Variants in VWF observed in about 807,000 individuals in gnomAD.
VWF encodes the protein von Willebrand factor, also known as Factor VIII related antigen.
VWF carries 176 observed loss-of-function variants against 308.6 expected under a neutral mutation model. The ratio of observed to expected loss-of-function variants is 0.57; its 90% CI spans 0.50 to 0.65. The LOEUF (loss-of-function observed/expected upper bound fraction) is 0.65. VWF is among the 30% of genes least tolerant of loss of function. VWF has a pLI of 0.00. For missense variants in VWF, 3,146 were observed against 3,648.2 expected (o/e 0.86, Z 3.55); for synonymous variants, 1,385 against 1,443.4 (o/e 0.96, Z 0.92).
intron 10 of VWF, among the ~76,000 whole-genome samples, chr12:6,068,595 G>A (rs768735739): frequency 5.9e-5 from 9 of 151,764 alleles, no homozygotes; most frequent in Admixed American, 2.6e-4. Context: ...TCAGCTTCCC[G>A]AGTAGCTGAG....
In VWF at chr12:6,034,835, A is replaced by G. The variant is rs775950558; in HGVS notation, c.2547-9T>C. On this transcript the variant is annotated splice_polypyrimidine_tract_variant and intron_variant, in intron 19 of 51. Transcript: ENST00000261405. Reference sequence around the variant, plus strand: ...TCCGGTCCTGACAGACACTAGGAGCAGTCATGGCAGAGATGACAAGTTGGG... The same window carrying G: ...TCCGGTCCTGACAGACACTAGGAGCGGTCATGGCAGAGATGACAAGTTGGG... 2.5e-6 allele frequency: 4 copies of G among 1,613,782 alleles called. No homozygotes were observed. Among genetic ancestry groups the G allele is most frequent in the South Asian group, 2.2e-5 (2 of 91,076 alleles).
At chr12:5,971,824 G>A in intron 43 of VWF, 115 bp from the exon 44 acceptor site, 1 of 901,226 alleles carries the variant, frequency 1.1e-6, no homozygotes, top group South Asian at 1.4e-5. Context: ...CACTGGTCTG[G>A]GCATTTTCAT....
rs116482664 is a variant in VWF, at chr12:6,091,350, G to A, written c.657+4110C>T. Among the ~76,000 whole-genome samples the A allele has an allele frequency of 4.4e-3, 675 of 152,168 alleles. 5 individuals carry two copies. The highest frequency in any genetic ancestry group is 0.015 in the African/African-American group (641 of 41,498). On this transcript the variant is annotated intron_variant, in intron 6 of 51. Transcript: ENST00000261405. ...TGTTTCTGGAATAGGAGAGGGCTGG[G>A]TTTCTCTACTTATGTACTTACTTAG...
Position 6,122,970 on chromosome 12 carries a change from G to C in VWF, c.55+172C>G, listed in dbSNP as rs749920872. 6 of 824,050 alleles carry C rather than the reference G, an allele frequency of 7.3e-6. No individual in the cohort carries two copies. In the East Asian group the frequency reaches 1.5e-4, roughly 20 times the overall value. 51.0% of individuals were successfully genotyped at this position (824,050 alleles called of 1,614,324 possible). A position where few individuals can be genotyped will look rare whatever the true frequency, so the allele number is the denominator to read the frequency against. On this transcript the variant is annotated intron_variant, in intron 2 of 51. Coordinates refer to ENST00000261405, the MANE Select transcript of VWF (RefSeq NM_000552.5). The stretch of plus-strand genomic sequence containing the variant: ...GGCATTTGCAGGCACCTGGTCTCTG[G>C]AATACAAGTCAAGGGTGGGAACTCC...
intron 3 of VWF, among the ~76,000 whole-genome samples, chr12:6,119,271 A>G (rs1945404491): frequency 6.6e-6 from 1 of 152,146 alleles, no homozygotes. Context: ...CAGCAGCAGC[A>G]GTTGGGAAAT....
At chr12:6,106,403 A>G (rs1159286696) in intron 5 of VWF, among the ~76,000 whole-genome samples, 1 of 152,214 alleles carries the variant, frequency 6.6e-6, no homozygotes, top group Non-Finnish European at 1.5e-5. Context: ...TCATAGACAG[A>G]AAGTAAAATG....
At chr12:6,109,236 C>CA (rs1945277124) in intron 5 of VWF, among the ~76,000 whole-genome samples, 2 of 151,790 alleles carry the variant, frequency 1.3e-5, no homozygotes, top group Non-Finnish European at 2.9e-5. Flanking sequence ...CACAGAGACA[C>CA]ACAGACACAC....
At chr12:6,065,294 G>A in intron 10 of VWF, 21 bp from the exon 11 acceptor site, 1 of 1,613,892 alleles carries the variant, frequency 6.2e-7, no homozygotes, top group Non-Finnish European at 8.5e-7. Context: ...ACAGAGGAAG[G>A]GAGAAGAATG....
rs189297988 is a variant in VWF at position 5,981,754 on chromosome 12, T to C, written c.7287+32A>G. 1,220 of 1,605,892 alleles carry C rather than the reference T, an allele frequency of 7.6e-4. 1 individual carries two copies. The highest frequency in any genetic ancestry group is 8.3e-4 in the Non-Finnish European group (971 of 1,172,874). On this transcript the variant is annotated intron_variant, in intron 42 of 51. Transcript: ENST00000261405. Reference sequence around the variant, plus strand: ...AGCAATAAATAAATGAGTAAACTATTAACTGATAGTTAATAGCCAAGCAGT... The same window carrying C: ...AGCAATAAATAAATGAGTAAACTATCAACTGATAGTTAATAGCCAAGCAGT...
rs1944372711 is a variant in VWF at position 6,039,394 on chromosome 12, C to A, written c.2443-2903G>T. ...TTGTCCCCAACTCTCCATACATGAACACCATCGTGACCCACTCTCCAGAAT... is the reference window on the plus strand; with the variant it reads ...TTGTCCCCAACTCTCCATACATGAAAACCATCGTGACCCACTCTCCAGAAT... On this transcript the variant is annotated intron_variant, in intron 18 of 51. Transcript: ENST00000261405. Among the ~76,000 whole-genome samples the A allele has an allele frequency of 3.3e-5, 5 of 152,210 alleles. No homozygotes were observed. The South Asian group carries it at 1.0e-3, about 31-fold the overall frequency.
intron 34 of VWF, among the ~76,000 whole-genome samples, chr12:6,003,574 T>C (rs1943895355): frequency 6.6e-6 from 1 of 151,172 alleles, no homozygotes; most frequent in African/African-American, 2.4e-5. Flanking sequence ...GAAGACATTA[T>C]GCTAAGCAGA....
chr12:6,103,545 T>TACACACAC (rs139889348), intron 5 of VWF, among the ~76,000 whole-genome samples: 6 of 124,200 alleles, frequency 4.8e-5, no homozygotes, highest in Non-Finnish European at 8.3e-5. Flanking sequence ...CATATATGTA[T>TACACACAC]ACACACACAC....
At chr12:6,057,133 C>T in intron 14 of VWF, 61 bp from the exon 15 acceptor site, 2 of 1,430,306 alleles carry the variant, frequency 1.4e-6, no homozygotes, top group South Asian at 2.6e-5. Context: ...CACGCCCTCC[C>T]GGTCAACACT....
intron 38 of VWF, 80 bp from the exon 39 acceptor site, chr12:5,985,745 T>C (rs1315427430): frequency 2.2e-6 from 3 of 1,376,636 alleles, no homozygotes; most frequent in Admixed American, 1.9e-5. Flanking sequence ...CAGCTCTCCC[T>C]GCCTCCGGCA....
chr12:6,117,619 C>T (rs1945382520), intron 3 of VWF, among the ~76,000 whole-genome samples: 1 of 152,142 alleles, frequency 6.6e-6, no homozygotes, highest in Non-Finnish European at 1.5e-5. Context: ...AGTTCGAGAC[C>T]AGCCTGACCA....
At chr12:5,981,093 A>G (rs943695674) in intron 42 of VWF, among the ~76,000 whole-genome samples, 1 of 152,222 alleles carries the variant, frequency 6.6e-6, no homozygotes, top group African/African-American at 2.4e-5. Context: ...TCATCTTAAC[A>G]TTTCTCCCAT....
rs1943202437 is a variant in VWF, at chr12:5,952,445, C to T, written c.8061G>A (p.Glu2687=). Residue 2687 remains glutamate, a synonymous_variant, in exon 49 of 52, where the codon GAG becomes GAA. Coordinates refer to ENST00000261405, the MANE Select transcript of VWF (RefSeq NM_000552.5). Reference sequence around the variant, plus strand: ...AGGGTGGGCAGCCTGTGACCCTCTTCTCCCAGAAGTACTCTCCTCTCTCAT... The same window carrying T: ...AGGGTGGGCAGCCTGTGACCCTCTTTTCCCAGAAGTACTCTCCTCTCTCAT... ...KVNERGEYFW[E]KRVTGCPPFD... is the part of the protein sequence containing the mutation. 2 of 1,614,180 alleles carry T rather than the reference C, an allele frequency of 1.2e-6. No homozygotes were observed. The highest frequency in any genetic ancestry group is 1.7e-6 in the Non-Finnish European group (2 of 1,179,998).
rs375823146 is a variant in VWF, at chr12:6,080,935, C to T, written c.658-5384G>A. ...TGCCCTCTTTTCCTGTGGGAATTGG[C>T]ACAATCATGCACACCAGTGGGTGGG... On this transcript the variant is annotated intron_variant, in intron 6 of 51. Transcript: ENST00000261405. Among the ~76,000 whole-genome samples, 79 of 152,316 alleles carry T rather than the reference C, an allele frequency of 5.2e-4. No individual in the cohort carries two copies. The East Asian group carries it at 9.8e-3, about 19-fold the overall frequency.
chr12:6,099,578 A>T (rs1945139605), intron 5 of VWF, among the ~76,000 whole-genome samples: 1 of 152,182 alleles, frequency 6.6e-6, no homozygotes, highest in Non-Finnish European at 1.5e-5. Context: ...AAGAGTCAAA[A>T]GACACAGAAA....
Sources: allele counts gnomAD v4.1 joint callset (sites outside exome capture counted in the v4.1 genomes callset), GRCh38; gene constraint gnomAD v4.1.1; transcripts MANE v1.5; gene names NCBI Gene and HGNC (gene_info 2026-07-23, HGNC 2026-07-21).